Variants in ARPC4 observed in about 807,000 individuals in gnomAD.
The protein encoded by ARPC4 is actin-related protein 2/3 complex subunit 4.
In ARPC4, 3 loss-of-function variants were observed where a neutral mutation model predicts 22.8. That is an observed-to-expected ratio of 0.13 (90% CI 0.06 to 0.34). ARPC4 has a LOEUF of 0.34. ARPC4 is among the 10% of genes least tolerant of loss of function. The pLI is 1.00. For synonymous variants in ARPC4, 80 were observed against 72.5 expected (o/e 1.10, Z -0.52); for missense variants, 98 against 211.0 (o/e 0.46, Z 3.32).
At chr3:9,804,922 G>A (rs1453522505) in intron 5 of ARPC4, among the ~76,000 whole-genome samples, 1 of 152,232 alleles carries the variant, frequency 6.6e-6, no homozygotes, top group African/African-American at 2.4e-5. Context: ...CGCCTACTCA[G>A]GCATGTCACT....
intron 1 of ARPC4, among the ~76,000 whole-genome samples, chr3:9,794,682 T>TA (rs572733613): frequency 2.2e-4 from 32 of 147,368 alleles, no homozygotes; most frequent in East Asian, 1.2e-3. Flanking sequence ...TCCCGTGTCT[T>TA]AAAAAAAAAA....
chr3:9,799,147 A>G (rs902881769), intron 2 of ARPC4, among the ~76,000 whole-genome samples: 1 of 152,202 alleles, frequency 6.6e-6, no homozygotes, highest in Non-Finnish European at 1.5e-5. Flanking sequence ...ACCTGAACTC[A>G]TAGGGGTCTC....
chr3:9,799,772 G>A, intron 2 of ARPC4: 1 of 441,860 alleles, frequency 2.3e-6, no homozygotes, highest in Non-Finnish European at 4.6e-6. Context: ...CAGATTTGCA[G>A]ATTGGGGATG....
intron 1 of ARPC4, among the ~76,000 whole-genome samples, chr3:9,794,739 C>T (rs1305025000): frequency 2.0e-5 from 3 of 152,100 alleles, no homozygotes; most frequent in African/African-American, 2.4e-5. Flanking sequence ...AGAACATTTC[C>T]GTCACCCCAA....
chr3:9,796,382 G>C (rs757056357), intron 1 of ARPC4, among the ~76,000 whole-genome samples: 1 of 152,104 alleles, frequency 6.6e-6, no homozygotes, highest in Non-Finnish European at 1.5e-5. Flanking sequence ...TGACAGAAGC[G>C]AGACTCCCTC....
Position 9,806,792 on chromosome 3 carries a change from G to C in ARPC4, c.*577G>C, listed in dbSNP as rs921244784. 2.6e-5 allele frequency: 4 copies of C among 154,342 alleles called. No individual in the cohort carries two copies. The highest frequency in any genetic ancestry group is 9.6e-5 in the African/African-American group (4 of 41,466). 9.6% of individuals were successfully genotyped at this position (154,342 alleles called of 1,614,324 possible). A position where few individuals can be genotyped will look rare whatever the true frequency, so the allele number is the denominator to read the frequency against. The stretch of plus-strand genomic sequence containing the variant: ...TGCCTAAAGATGGCCCCCCAGCACT[G>C]GTTGGGGACAAGGGCCAAATTGGTG... On this transcript the variant is annotated 3_prime_UTR_variant, in exon 6 of 6. Coordinates refer to ENST00000397261, the MANE Select transcript of ARPC4 (RefSeq NM_005718.5).
intron 5 of ARPC4, among the ~76,000 whole-genome samples, chr3:9,805,108 G>T (rs75120628): frequency 6.6e-6 from 1 of 152,166 alleles, no homozygotes; most frequent in Admixed American, 6.5e-5. Flanking sequence ...ATATTAGGAG[G>T]CCTCTAGATT....
chr3:9,806,437 G>A lies in ARPC4; in HGVS notation c.*222G>A. 1 of 605,634 alleles carries A rather than the reference G, an allele frequency of 1.7e-6. No homozygotes were observed. The allele number at this position is 605,634 out of a possible 1,614,324, so 37.5% of individuals were successfully genotyped here. A position where few individuals can be genotyped will look rare whatever the true frequency, so the allele number is the denominator to read the frequency against. ...TGGTCAGGCTGGCTTCTGATGTTCAGTCCCCTGGGCCGGGACAGATTTTTT... is the reference window on the plus strand; with the variant it reads ...TGGTCAGGCTGGCTTCTGATGTTCAATCCCCTGGGCCGGGACAGATTTTTT... On this transcript the variant is annotated 3_prime_UTR_variant, in exon 6 of 6. Coordinates refer to ENST00000397261, the MANE Select transcript of ARPC4 (RefSeq NM_005718.5).
intron 2 of ARPC4, among the ~76,000 whole-genome samples, chr3:9,799,152 G>A (rs922772953): frequency 1.3e-5 from 2 of 152,034 alleles, no homozygotes; most frequent in African/African-American, 2.4e-5. Context: ...AACTCATAGG[G>A]GTCTCAGAGG....
At chr3:9,793,177 AGT>A in intron 1 of ARPC4, 53 bp downstream of exon 1, 1 of 1,516,058 alleles carries the variant, frequency 6.6e-7, no homozygotes, top group Non-Finnish European at 8.9e-7. Context: ...GCCTCAGGGC[AGT>A]GGGTCGGTGG....
chr3:9,803,756 G>A, intron 4 of ARPC4, 87 bp from the exon 5 acceptor site: 1 of 1,381,998 alleles, frequency 7.2e-7, no homozygotes, highest in Non-Finnish European at 1.0e-6. Context: ...ATGTGGATGA[G>A]TGGAGGACAT....
chr3:9,794,061 G>C (rs2078822129), intron 1 of ARPC4, among the ~76,000 whole-genome samples: 1 of 151,842 alleles, frequency 6.6e-6, no homozygotes. Context: ...CTAAAAATCT[G>C]TATTTTTTTT....
intron 4 of ARPC4, among the ~76,000 whole-genome samples, chr3:9,802,796 C>T (rs1292715304): frequency 6.6e-6 from 1 of 151,998 alleles, no homozygotes; most frequent in Non-Finnish European, 1.5e-5. Context: ...GCCTCAGCCT[C>T]CCGAGTAGCT....
In ARPC4 at chr3:9,797,682, G is replaced by A. The variant is rs148937119; in HGVS notation, c.27G>A (p.Leu9=). Residue 9 remains leucine, a synonymous_variant, in exon 2 of 6, where the codon CTG becomes CTA. Coordinates refer to ENST00000397261, the MANE Select transcript of ARPC4 (RefSeq NM_005718.5). MTATLRPY[L]SAVRATLQAA... ...AGACTGCCACTCTCCGCCCCTACCT[G>A]AGTGCCGTGCGGGCCACATTGCAGG... The A allele has an allele frequency of 2.3e-4, 372 of 1,614,076 alleles. 2 individuals are homozygous for A. The African/African-American group carries it at 4.3e-3, about 18-fold the overall frequency.
chr3:9,801,753 G>A lies in ARPC4; in HGVS notation c.327G>A (p.Val109=), dbSNP rs867702593. 6 of 1,598,482 alleles carry A rather than the reference G, an allele frequency of 3.8e-6. No individual in the cohort carries two copies. The highest frequency in any genetic ancestry group is 1.7e-4 in the Middle Eastern group (1 of 6,044). The change falls in exon 4 of 6, where the codon GTG becomes GTA. Residue 109 remains valine, a synonymous_variant. Coordinates refer to ENST00000397261, the MANE Select transcript of ARPC4 (RefSeq NM_005718.5). ...TCTTTATCCTTCGAAGGAAGCCTGT[G>A]GAGGTGAGACCCTGTGACCCATGAG... The part of the protein sequence containing the change: ...ENFFILRRKP[V]EGYDISFLIT...
chr3:9,803,636 T>C, intron 4 of ARPC4: 1 of 728,074 alleles, frequency 1.4e-6, no homozygotes, highest in Non-Finnish European at 2.5e-6. Flanking sequence ...CACAGAATTC[T>C]CAACGGGGTT....
Position 9,795,235 on chromosome 3 carries a change from G to GTC in ARPC4, c.3+2111_3+2112insTC. On this transcript the variant is annotated intron_variant, in intron 1 of 5. Coordinates refer to ENST00000397261, the MANE Select transcript of ARPC4 (RefSeq NM_005718.5). The stretch of plus-strand genomic sequence containing the variant: ...GGCTGGTCTTGAACTCCTGACCTGA[G>GTC]GTGGTCCACCCACCTCGGCCTCCCA... Among the ~76,000 whole-genome samples, 5 of 152,192 alleles carry GTC rather than the reference G, an allele frequency of 3.3e-5. 1 individual carries two copies. The East Asian group carries it at 9.7e-4, about 29-fold the overall frequency.
At chr3:9,803,737 G>A in intron 4 of ARPC4, 106 bp from the exon 5 acceptor site, 2 of 1,248,722 alleles carry the variant, frequency 1.6e-6, no homozygotes, top group Non-Finnish European at 2.3e-6. Flanking sequence ...ATCACAGCCA[G>A]TGGGAAGCAT....
intron 2 of ARPC4, among the ~76,000 whole-genome samples, chr3:9,798,863 A>G (rs2125642641): frequency 7.0e-6 from 1 of 142,930 alleles, no homozygotes; most frequent in Non-Finnish European, 1.5e-5. Context: ...GCAGAGCAAG[A>G]CTTCGTCTCA....
Sources: allele counts gnomAD v4.1 joint callset (sites outside exome capture counted in the v4.1 genomes callset), GRCh38; gene constraint gnomAD v4.1.1; transcripts MANE v1.5; gene names NCBI Gene and HGNC (gene_info 2026-07-23, HGNC 2026-07-21).